ANKS1B: variants seen among roughly 807,000 people sequenced by gnomAD.
The protein encoded by ANKS1B is ankyrin repeat and sterile alpha motif domain containing 1B, also known as ankyrin repeat and sterile alpha motif domain-containing protein 1B.
ANKS1B carries 36 observed loss-of-function variants against 148.3 expected under a neutral mutation model. The observed-to-expected ratio is 0.24, with a 90% CI of 0.19 to 0.32. ANKS1B has a LOEUF of 0.32. ANKS1B is among the 10% of genes least tolerant of loss of function. The probability of loss-of-function intolerance (pLI) is 1.00; values close to 1 mark genes in which losing one functional copy is unlikely to be tolerated. For synonymous variants in ANKS1B, 542 were observed against 560.8 expected (o/e 0.97, Z 0.47); for missense variants, 1,157 against 1,542.6 (o/e 0.75, Z 4.19).
At chr12:99,254,143 C>G (rs2074979974) in intron 12 of ANKS1B, among the ~76,000 whole-genome samples, 1 of 152,158 alleles carries the variant, frequency 6.6e-6, no homozygotes, top group African/African-American at 2.4e-5. Flanking sequence ...GGTAAACCAG[C>G]ACATCTTGAA....
chr12:99,406,565 T>A (rs2094537071), intron 11 of ANKS1B, among the ~76,000 whole-genome samples: 1 of 144,118 alleles, frequency 6.9e-6, no homozygotes, highest in African/African-American at 2.6e-5. Context: ...AGCACCTACA[T>A]CAAAAAAGTA....
At chr12:99,918,046 C>T (rs2094225849) in intron 1 of ANKS1B, among the ~76,000 whole-genome samples, 1 of 152,222 alleles carries the variant, frequency 6.6e-6, no homozygotes, top group Admixed American at 6.5e-5. Flanking sequence ...TAAGGCAGAA[C>T]AATTTCATCC....
At chr12:98,791,488 T>C (rs1269605067) in intron 22 of ANKS1B, among the ~76,000 whole-genome samples, 1 of 152,196 alleles carries the variant, frequency 6.6e-6, no homozygotes, top group African/African-American at 2.4e-5. Context: ...TCACTATGAC[T>C]CACGCAGTAT....
At chr12:98,894,192 T>C (rs2099758587) in intron 17 of ANKS1B, among the ~76,000 whole-genome samples, 2 of 152,160 alleles carry the variant, frequency 1.3e-5, no homozygotes, top group African/African-American at 4.8e-5. Context: ...TTCTTCCTGC[T>C]ATTCCTTAAA....
chr12:99,738,813 C>A (rs527812458), intron 8 of ANKS1B, among the ~76,000 whole-genome samples: 1 of 152,206 alleles, frequency 6.6e-6, no homozygotes, highest in East Asian at 1.9e-4. Flanking sequence ...CCAACAGAAT[C>A]CCACAAATAT....
At chr12:99,762,007 C>T (rs2062172697) in intron 8 of ANKS1B, among the ~76,000 whole-genome samples, 1 of 151,894 alleles carries the variant, frequency 6.6e-6, no homozygotes, top group South Asian at 2.1e-4. Context: ...AAGATCTCTA[C>T]AATGAGAACT....
chr12:99,071,438 C>T (rs1486245891), intron 16 of ANKS1B, among the ~76,000 whole-genome samples: 3 of 152,196 alleles, frequency 2.0e-5, no homozygotes, highest in South Asian at 2.1e-4. Flanking sequence ...TTACAGTTTT[C>T]GTGTAAATGC....
chr12:99,860,949 C>T (rs766447463), intron 1 of ANKS1B, among the ~76,000 whole-genome samples: 1 of 152,176 alleles, frequency 6.6e-6, no homozygotes, highest in South Asian at 2.1e-4. Flanking sequence ...TAAAGAACTA[C>T]AACCCAAATT....
At chr12:98,977,901 A>G (rs1241870475) in intron 17 of ANKS1B, among the ~76,000 whole-genome samples, 1 of 152,162 alleles carries the variant, frequency 6.6e-6, no homozygotes, top group African/African-American at 2.4e-5. Flanking sequence ...TAGATTCAGT[A>G]GTATTCAATA....
chr12:99,586,360 T>C (rs1056616167), intron 9 of ANKS1B, among the ~76,000 whole-genome samples: 1 of 152,190 alleles, frequency 6.6e-6, no homozygotes, highest in Non-Finnish European at 1.5e-5. Context: ...TTCATCTCCA[T>C]CTGAGACCAC....
At chr12:99,922,385 T>C (rs1380005297) in intron 1 of ANKS1B, among the ~76,000 whole-genome samples, 9 of 152,288 alleles carry the variant, frequency 5.9e-5, no homozygotes, top group Admixed American at 4.6e-4. Context: ...TCAATAAATA[T>C]GGTTTTATAG....
intron 1 of ANKS1B, among the ~76,000 whole-genome samples, chr12:99,904,797 C>G (rs368871541): frequency 2.0e-5 from 3 of 152,256 alleles, no homozygotes; most frequent in South Asian, 2.1e-4. Flanking sequence ...GATAATCACC[C>G]AGATTCAAAA....
intron 8 of ANKS1B, among the ~76,000 whole-genome samples, chr12:99,769,136 T>C (rs7132430): frequency 1 from 152,142 of 152,262 alleles, 76,011 homozygotes; most frequent in Middle Eastern, 1. Context: ...ACATTAAGAT[T>C]TACGAGATTT....
chr12:99,850,318 T>TCA (rs2087565242), intron 1 of ANKS1B, among the ~76,000 whole-genome samples: 2 of 150,742 alleles, frequency 1.3e-5, no homozygotes, highest in East Asian at 2.0e-4. Context: ...TCTCTCTCTC[T>TCA]CACCTACTCT....
At position 98,848,773 on chromosome 12, in the gene ANKS1B, C is replaced by G. The variant is rs575479564; in HGVS notation, c.2779-16637G>C. On this transcript the variant is annotated intron_variant, in intron 17 of 26. Transcript: ENST00000683438. Reference sequence around the variant, plus strand: ...TTTTTTTTTGAGACGGAGTCTCGCTCTGTTGCCCAGGCTGGAGTGCAATGG... The same window carrying G: ...TTTTTTTTTGAGACGGAGTCTCGCTGTGTTGCCCAGGCTGGAGTGCAATGG... 1.7e-3 allele frequency among the ~76,000 whole-genome samples: 90 copies of G among 53,328 alleles called. 1 individual carries two copies. The highest frequency in any genetic ancestry group is 8.6e-3 in the African/African-American group (89 of 10,360). The allele number at this position is 53,328 out of a possible 152,430, so 35.0% of individuals were successfully genotyped here.
intron 12 of ANKS1B, among the ~76,000 whole-genome samples, chr12:99,295,486 T>G (rs2080736297): frequency 6.6e-6 from 1 of 152,250 alleles, no homozygotes; most frequent in African/African-American, 2.4e-5. Flanking sequence ...AAACATATTC[T>G]CCCAGTCAGT....
intron 8 of ANKS1B, among the ~76,000 whole-genome samples, chr12:99,672,233 C>T (rs971727441): frequency 2.0e-5 from 3 of 152,070 alleles, no homozygotes; most frequent in South Asian, 2.1e-4. Flanking sequence ...GTACCCAGGA[C>T]AATCAAAGAC....
intron 13 of ANKS1B, 110 bp downstream of exon 13, chr12:99,246,164 TG>T: frequency 1.3e-6 from 1 of 774,722 alleles, no homozygotes; most frequent in Non-Finnish European, 2.0e-6. Context: ...TGGAGCCGTA[TG>T]CTTTTTTTTT....
intron 12 of ANKS1B, among the ~76,000 whole-genome samples, chr12:99,361,052 G>T (rs1410988992): frequency 6.6e-6 from 1 of 152,080 alleles, no homozygotes; most frequent in Non-Finnish European, 1.5e-5. Flanking sequence ...TGACAGCACA[G>T]CAGGGTGACT....
Sources: allele counts gnomAD v4.1 joint callset (sites outside exome capture counted in the v4.1 genomes callset), GRCh38; gene constraint gnomAD v4.1.1; transcripts MANE v1.5; gene names NCBI Gene and HGNC (gene_info 2026-07-23, HGNC 2026-07-21).